PLAU: variants seen among roughly 807,000 people sequenced by gnomAD.
The protein encoded by PLAU is plasminogen activator, urokinase.
PLAU carries 32 observed loss-of-function variants against 48.9 expected under a neutral mutation model. That is an observed-to-expected ratio of 0.65 (90% CI 0.49 to 0.88). PLAU has a LOEUF of 0.88. Among genes scored for constraint, PLAU ranks in the 40% least tolerant of loss-of-function variants. The pLI is 0.00. For synonymous variants in PLAU, 199 were observed against 205.7 expected (o/e 0.97, Z 0.28); for missense variants, 455 against 545.2 (o/e 0.83, Z 1.65).
chr10:73,915,282 G>T lies in PLAU; in HGVS notation c.1002G>T (p.Met334Ile), dbSNP rs1353207395. ...ATCTCTATCCGGAGCAGCTGAAAAT[G>T]ACTGTTGTGAAGCTGATTTCCCACC... The part of the protein sequence containing the change: ...TDYLYPEQLK[M>I]TVVKLISHRE... Residue 334 changes from methionine to isoleucine, a missense_variant, in exon 10 of 11, where the codon ATG becomes ATT. Transcript: ENST00000372764. 1.2e-6 allele frequency: 2 copies of T among 1,613,866 alleles called. No individual in the cohort carries two copies. The highest frequency in any genetic ancestry group is 2.2e-5 in the East Asian group (1 of 44,900).
rs749861164 is a variant in PLAU at position 73,914,851 on chromosome 10, C to T, written c.905C>T (p.Ser302Leu). 2.5e-6 allele frequency: 4 copies of T among 1,614,086 alleles called. No homozygotes were observed. Among genetic ancestry groups the T allele is most frequent in the Non-Finnish European group, 3.4e-6 (4 of 1,179,960 alleles). Residue 302 changes from serine (S) to leucine (L), a missense_variant, in exon 9 of 11, where the codon TCG (serine) becomes TTG (leucine). By Grantham distance (145) the Ser-to-Leu change is moderately radical. Transcript: ENST00000372764. ...ACTATACAGACCATCTGCCTGCCCTCGATGTATAACGATCCCCAGTTTGGC... is the reference window on the plus strand; with the variant it reads ...ACTATACAGACCATCTGCCTGCCCTTGATGTATAACGATCCCCAGTTTGGC... ...SRTIQTICLPSMYNDPQFGTS... is the reference protein window; with the variant it reads ...SRTIQTICLPLMYNDPQFGTS...
Position 73,912,947 on chromosome 10 carries a change from G to A in PLAU, c.217G>A (p.Gly73Arg), listed in dbSNP as rs1396039304. 1 of 1,613,490 alleles carries A rather than the reference G, an allele frequency of 6.2e-7. No homozygotes were observed. Among genetic ancestry groups the A allele is most frequent in the East Asian group, 2.2e-5 (1 of 44,884 alleles). The change falls in exon 5 of 11, where the codon GGG becomes AGG. Residue 73 changes from glycine to arginine, a missense_variant. Coordinates refer to ENST00000372764, the MANE Select transcript of PLAU (RefSeq NM_002658.6). ...EIDKSKTCYE[G>R]NGHFYRGKAS... ...AGATAAGTCAAAAACCTGCTATGAG[G>A]GGAATGGTCACTTTTACCGAGGAAA...
upstream of PLAU, chr10:73,909,983 A>G: frequency 6.6e-6 from 1 of 152,212 alleles, no homozygotes; most frequent in East Asian, 1.9e-4. Context: ...TTTCTGGAGG[A>G]CAATTTTATT....
Position 73,916,636 on chromosome 10 carries a change from C to A in PLAU, c.*71C>A. On this transcript the variant is annotated 3_prime_UTR_variant, in exon 11 of 11. Transcript: ENST00000372764. Reference sequence around the variant, plus strand: ...GTCATTTTTGCAGTAGAGTCATCTCCATCAGCTGTAAGAAGAGACTGGGAA... The same window carrying A: ...GTCATTTTTGCAGTAGAGTCATCTCAATCAGCTGTAAGAAGAGACTGGGAA... 8.1e-7 allele frequency: 1 copy of A among 1,234,056 alleles called. No homozygotes were observed. The highest frequency in any genetic ancestry group is 1.1e-6 in the Non-Finnish European group (1 of 878,854). The allele number at this position is 1,234,056 out of a possible 1,614,324, so 76.4% of individuals were successfully genotyped here. A position where few individuals can be genotyped will look rare whatever the true frequency, so the allele number is the denominator to read the frequency against.
At position 73,912,028 on chromosome 10, in the gene PLAU, G is replaced by A. The variant is rs369662596; in HGVS notation, c.58-13G>A. ...GGGACCTTTGATGAAGCCTCCTCCC[G>A]AATCTCTTCCAGGGCAGCAATGAAC... On this transcript the variant is annotated splice_polypyrimidine_tract_variant and intron_variant, in intron 2 of 10. Transcript: ENST00000372764. 1.9e-6 allele frequency: 3 copies of A among 1,613,352 alleles called. No homozygotes were observed. The highest frequency in any genetic ancestry group is 2.2e-5 in the South Asian group (2 of 91,006).
rs1294725699 is a variant in PLAU at position 73,914,047 on chromosome 10, G to A, written c.748G>A (p.Gly250Arg). ...GRSRLNSNTQ[G>R]EMKFEVENLI... ...CTCAAGGCTTAACTCCAACACGCAAGGGGAGATGAAGTTTGAGGTGGAAAA... is the reference window on the plus strand; with the variant it reads ...CTCAAGGCTTAACTCCAACACGCAAAGGGAGATGAAGTTTGAGGTGGAAAA... Residue 250 changes from glycine (G) to arginine (R), a missense_variant, in exon 8 of 11, where the codon GGG (glycine) becomes AGG (arginine). Gly to Arg is a moderately radical substitution (Grantham distance 125, BLOSUM62 -2). Coordinates refer to ENST00000372764, the MANE Select transcript of PLAU (RefSeq NM_002658.6). The A allele has an allele frequency of 1.9e-6, 3 of 1,613,928 alleles. No individual in the cohort carries two copies. In the East Asian group the frequency reaches 6.7e-5, roughly 36 times the overall value.
At chr10:73,909,357 G>C (rs145348571), upstream of PLAU, 27 of 152,288 alleles carry the variant, frequency 1.8e-4, no homozygotes, top group African/African-American at 6.0e-4. Flanking sequence ...CAATTAATGG[G>C]TTCTCAAATC....
chr10:73,911,221 G>T lies in PLAU; in HGVS notation c.-32+3G>T. 2.8e-6 allele frequency: 1 copy of T among 363,068 alleles called. No individual in the cohort carries two copies. Among genetic ancestry groups the T allele is most frequent in the Non-Finnish European group, 5.0e-6 (1 of 201,430 alleles). The allele number at this position is 363,068 out of a possible 1,614,324, so 22.5% of individuals were successfully genotyped here. On this transcript the variant is annotated splice_donor_region_variant and intron_variant, in intron 1 of 10. Coordinates refer to ENST00000372764, the MANE Select transcript of PLAU (RefSeq NM_002658.6). The stretch of plus-strand genomic sequence containing the variant: ...GCGCCCTCCTGCCGCAGCCACCGGT[G>T]AGTGCCGCGGTCCTGAGATCCCCGG...
chr10:73,912,438 C>T (rs1478600735), intron 4 of PLAU, 116 bp downstream of exon 4: 2 of 741,210 alleles, frequency 2.7e-6, no homozygotes, highest in East Asian at 5.3e-5. Flanking sequence ...ATCTTCATCC[C>T]TATGTGACAA....
Position 73,912,047 on chromosome 10 carries a change from A to G in PLAU, c.64A>G (p.Asn22Asp). ...CCTCCCGAATCTCTTCCAGGGCAGC[A>G]ATGAACTTCATCAAGTTCCATGTGA... ...VLVVSDSKGS[N>D]ELHQVPSNCD... The change falls in exon 3 of 11, where the codon AAT becomes GAT. Residue 22 changes from asparagine to aspartate, a missense_variant. By Grantham distance (23) the Asn-to-Asp change is conservative. Transcript: ENST00000372764. 6.2e-7 allele frequency: 1 copy of G among 1,611,388 alleles called. No individual in the cohort carries two copies. Among genetic ancestry groups the G allele is most frequent in the Non-Finnish European group, 8.5e-7 (1 of 1,178,336 alleles).
upstream of PLAU, among the ~76,000 whole-genome samples, chr10:73,908,888 G>A (rs1451114423): frequency 6.7e-5 from 10 of 148,910 alleles, no homozygotes; most frequent in African/African-American, 2.5e-4. Context: ...ATGGCTGGGC[G>A]TGGTGGCTCA....
Position 73,911,516 on chromosome 10 carries a change from C to A in PLAU, c.-31-9C>A. The A allele has an allele frequency of 6.2e-7, 1 of 1,604,152 alleles. No homozygotes were observed. The highest frequency in any genetic ancestry group is 1.8e-4 in the Middle Eastern group (1 of 5,704). On this transcript the variant is annotated splice_polypyrimidine_tract_variant and intron_variant, in intron 1 of 10. Coordinates refer to ENST00000372764, the MANE Select transcript of PLAU (RefSeq NM_002658.6). ...CCGCCTCTTGCCCTGACTTCTCCTT[C>A]CTTTGCAGAGCCGCCGTCTAGCGCC...
intron 1 of PLAU, 101 bp downstream of exon 1, chr10:73,911,319 C>A (rs1591612533): frequency 3.3e-6 from 2 of 613,156 alleles, no homozygotes; most frequent in Non-Finnish European, 5.7e-6. Context: ...TCCCTGGGCT[C>A]CCCGGCGGCT....
Position 73,913,045 on chromosome 10 carries a change from T to A in PLAU, c.315T>A (p.His105Gln), listed in dbSNP as rs754205897. ...NSATVLQQTYHAHRSDALQLG... is the reference protein window; with the variant it reads ...NSATVLQQTYQAHRSDALQLG... ...CCACTGTCCTTCAGCAAACGTACCA[T>A]GCCCACAGATCTGATGCTCTTCAGC... Residue 105 changes from histidine (H) to glutamine (Q), a missense_variant, in exon 5 of 11, where the codon CAT becomes CAA. By Grantham distance (24) the His-to-Gln change is conservative. Coordinates refer to ENST00000372764, the MANE Select transcript of PLAU (RefSeq NM_002658.6). The A allele has an allele frequency of 1.2e-6, 2 of 1,614,158 alleles. No individual in the cohort carries two copies. Among genetic ancestry groups the A allele is most frequent in the East Asian group, 4.5e-5 (2 of 44,882 alleles).
At chr10:73,912,019 C>T in intron 2 of PLAU, 22 bp from the exon 3 acceptor site, 2 of 1,613,758 alleles carry the variant, frequency 1.2e-6, no homozygotes, top group Non-Finnish European at 1.7e-6. Context: ...TTTGATGAAG[C>T]CTCCTCCCGA....
At position 73,914,028 on chromosome 10, in the gene PLAU, G is replaced by C; in HGVS notation, c.729G>C (p.Arg243Ser). 6.2e-7 allele frequency: 1 copy of C among 1,613,966 alleles called. No individual in the cohort carries two copies. The highest frequency in any genetic ancestry group is 8.5e-7 in the Non-Finnish European group (1 of 1,179,812). The change falls in exon 8 of 11, where the codon AGG becomes AGC. Residue 243 changes from arginine to serine, a missense_variant. Physicochemically the swap from Arg to Ser is moderately radical, Grantham distance 110. Coordinates refer to ENST00000372764, the MANE Select transcript of PLAU (RefSeq NM_002658.6). Reference protein sequence around the residue: ...EDYIVYLGRSRLNSNTQGEMK... With the variant: ...EDYIVYLGRSSLNSNTQGEMK... ...ACATCGTCTACCTGGGTCGCTCAAGGCTTAACTCCAACACGCAAGGGGAGA... is the reference window on the plus strand; with the variant it reads ...ACATCGTCTACCTGGGTCGCTCAAGCCTTAACTCCAACACGCAAGGGGAGA...
chr10:73,913,763 G>T lies in PLAU; in HGVS notation c.680+5G>T, dbSNP rs373237459. On this transcript the variant is annotated splice_donor_5th_base_variant and intron_variant, in intron 7 of 10. Coordinates refer to ENST00000372764, the MANE Select transcript of PLAU (RefSeq NM_002658.6). ...CAGCGCCACACACTGCTTCATGTAC[G>T]GCCCTGGGTTTCTCCTCTTCGACTC... The T allele has an allele frequency of 1.3e-6, 2 of 1,574,868 alleles. No individual in the cohort carries two copies. Among genetic ancestry groups the T allele is most frequent in the Non-Finnish European group, 1.7e-6 (2 of 1,159,520 alleles).
rs761300954 is a variant in PLAU, at chr10:73,914,163, T to A, written c.829+35T>A. The A allele has an allele frequency of 2.5e-6, 4 of 1,610,022 alleles. No homozygotes were observed. The African/African-American group carries it at 4.0e-5, about 16-fold the overall frequency. ...AACCCCGCGACTACTGTGGCCATAA[T>A]GGCTTGGGGAGAGTGGGACCCAGGG... is the stretch of plus-strand genomic sequence containing the variant. On this transcript the variant is annotated intron_variant, in intron 8 of 10. Transcript: ENST00000372764.
At chr10:73,915,064 G>A (rs893654798) in intron 9 of PLAU, 148 bp downstream of exon 9, 1 of 1,054,780 alleles carries the variant, frequency 9.5e-7, no homozygotes, top group African/African-American at 1.6e-5. Flanking sequence ...GAAGAGTGTT[G>A]TTTAGGGAGC....
Sources: gnomAD v4.1 joint callset for allele counts (sites outside exome capture counted in the v4.1 genomes callset) on GRCh38, gnomAD v4.1.1 for gene constraint, MANE v1.5 for transcripts, NCBI Gene and HGNC (gene_info 2026-07-23, HGNC 2026-07-21) for gene names.